CACNG2: variants seen among roughly 807,000 people sequenced by gnomAD.
CACNG2 encodes the protein calcium voltage-gated channel auxiliary subunit gamma 2, also known as voltage-dependent calcium channel gamma-2 subunit.
A neutral mutation model predicts 25.9 loss-of-function variants in CACNG2; 3 were observed. That is an observed-to-expected ratio of 0.12 (90% CI 0.05 to 0.30). The LOEUF (loss-of-function observed/expected upper bound fraction) is 0.30, where lower values mean the gene tolerates loss of function less well. Among genes scored for constraint, CACNG2 ranks in the 10% least tolerant of loss-of-function variants. CACNG2 has a pLI of 1.00. For synonymous variants in CACNG2, 167 were observed against 173.3 expected, an observed-to-expected ratio of 0.96 and a Z score of 0.29; for missense variants, 341 against 432.5, an observed-to-expected ratio of 0.79 and a Z score of 1.88.
chr22:36,680,757 C>A (rs968292866), intron 1 of CACNG2, among the ~76,000 whole-genome samples: 6 of 114,248 alleles, frequency 5.3e-5, no homozygotes, highest in Non-Finnish European at 1.1e-4. Context: ...ACTACCACCA[C>A]TTTCATCACC....
chr22:36,630,837 T>C (rs1603502093), intron 1 of CACNG2, among the ~76,000 whole-genome samples: 1 of 152,064 alleles, frequency 6.6e-6, no homozygotes, highest in East Asian at 1.9e-4. Context: ...TTGAGCTATT[T>C]GTTTATTTAT....
chr22:36,615,657 T>G (rs1936010825), intron 1 of CACNG2, among the ~76,000 whole-genome samples: 1 of 152,218 alleles, frequency 6.6e-6, no homozygotes, highest in Non-Finnish European at 1.5e-5. Context: ...TGTTTACTGT[T>G]AGTCCCATTA....
chr22:36,671,917 T>C (rs879357406), intron 1 of CACNG2, among the ~76,000 whole-genome samples: 7 of 151,880 alleles, frequency 4.6e-5, no homozygotes, highest in Non-Finnish European at 8.8e-5. Flanking sequence ...AGAGAAGAGG[T>C]GTATTCTTGG....
Position 36,657,298 on chromosome 22 carries a change from G to A in CACNG2, c.211+45068C>T, listed in dbSNP as rs115755060. Reference sequence around the variant, plus strand: ...CAAAGAGAACTCAGGCATCCAAGGAGTGAGACAAGTCTTCAGTTCCACAAT... The same window carrying A: ...CAAAGAGAACTCAGGCATCCAAGGAATGAGACAAGTCTTCAGTTCCACAAT... On this transcript the variant is annotated intron_variant, in intron 1 of 3. Coordinates refer to ENST00000300105, the MANE Select transcript of CACNG2 (RefSeq NM_006078.5). Among the ~76,000 whole-genome samples, 451 of 152,348 alleles carry A rather than the reference G, an allele frequency of 3.0e-3. 3 individuals are homozygous for A. The highest frequency in any genetic ancestry group is 0.01 in the African/African-American group (423 of 41,574).
chr22:36,651,933 G>T (rs1435145137), intron 1 of CACNG2, among the ~76,000 whole-genome samples: 1 of 151,968 alleles, frequency 6.6e-6, no homozygotes, highest in Non-Finnish European at 1.5e-5. Context: ...GCGTGATCTC[G>T]GCTCACTGCA....
chr22:36,672,445 T>C (rs893716001), intron 1 of CACNG2, among the ~76,000 whole-genome samples: 1 of 152,182 alleles, frequency 6.6e-6, no homozygotes, highest in African/African-American at 2.4e-5. Context: ...CGTGAGCCAC[T>C]GTGAATAGGG....
chr22:36,631,814 A>G (rs1319442160), intron 1 of CACNG2, among the ~76,000 whole-genome samples: 1 of 150,842 alleles, frequency 6.6e-6, no homozygotes, highest in Non-Finnish European at 1.5e-5. Flanking sequence ...CTCAACAGAT[A>G]TGAGGGCCAG....
intron 1 of CACNG2, among the ~76,000 whole-genome samples, chr22:36,686,307 AC>A (rs1232652579): frequency 6.6e-6 from 1 of 152,020 alleles, no homozygotes; most frequent in Non-Finnish European, 1.5e-5. Flanking sequence ...TAAGGAGATG[AC>A]CCTGTCACAG....
chr22:36,581,030 A>G (rs960551195), intron 2 of CACNG2, among the ~76,000 whole-genome samples: 1 of 152,144 alleles, frequency 6.6e-6, no homozygotes, highest in African/African-American at 2.4e-5. Flanking sequence ...CACGCTTGAC[A>G]TTCAAGAGAA....
intron 1 of CACNG2, among the ~76,000 whole-genome samples, chr22:36,651,422 T>C (rs1936613532): frequency 6.6e-6 from 1 of 151,724 alleles, no homozygotes; most frequent in Admixed American, 6.6e-5. Context: ...AGAGATGGGG[T>C]TTTACCATGT....
intron 1 of CACNG2, among the ~76,000 whole-genome samples, chr22:36,609,483 CGTAGAGCGTGATCAGGAGGAATCAA>C: frequency 7.2e-6 from 1 of 139,426 alleles, no homozygotes; most frequent in South Asian, 2.4e-4. Context: ...GGAATCAGCC[CGTAGAGCGTGATCAGGAGGAATCAA>C]CCCCCTAGAG....
chr22:36,608,387 T>C (rs6000348), intron 1 of CACNG2, among the ~76,000 whole-genome samples: 4 of 152,338 alleles, frequency 2.6e-5, no homozygotes, highest in African/African-American at 9.6e-5. Context: ...TATTTCAGAT[T>C]TCACAAGCTT....
At chr22:36,649,676 T>C (rs1292521612) in intron 1 of CACNG2, among the ~76,000 whole-genome samples, 1 of 152,220 alleles carries the variant, frequency 6.6e-6, no homozygotes, top group Non-Finnish European at 1.5e-5. Flanking sequence ...CCCACGTGTC[T>C]TGGGAAGGAC....
chr22:36,690,099 CAGCTGTCAAAAG>C (rs1937249550), intron 1 of CACNG2, among the ~76,000 whole-genome samples: 1 of 152,238 alleles, frequency 6.6e-6, no homozygotes, highest in African/African-American at 2.4e-5. Flanking sequence ...GTTCTGTCTT[CAGCTGTCAAAAG>C]ACAAAGACTC....
At chr22:36,650,226 T>C (rs1310439341) in intron 1 of CACNG2, among the ~76,000 whole-genome samples, 1 of 152,182 alleles carries the variant, frequency 6.6e-6, no homozygotes, top group Non-Finnish European at 1.5e-5. Flanking sequence ...CCCACCTTAC[T>C]CAGAGTCAAG....
At chr22:36,613,703 C>A (rs903900214) in intron 1 of CACNG2, among the ~76,000 whole-genome samples, 1 of 151,992 alleles carries the variant, frequency 6.6e-6, no homozygotes, top group Non-Finnish European at 1.5e-5. Context: ...TATATACAAC[C>A]CAGTCCTGTC....
chr22:36,692,414 AGGATTGCAAT>A (rs1937277783), intron 1 of CACNG2, among the ~76,000 whole-genome samples: 1 of 152,190 alleles, frequency 6.6e-6, no homozygotes, highest in Non-Finnish European at 1.5e-5. Context: ...GTAACTAACA[AGGATTGCAAT>A]GGAGAGAAAA....
At chr22:36,590,920 A>C (rs71314997) in intron 1 of CACNG2, among the ~76,000 whole-genome samples, 2 of 151,630 alleles carry the variant, frequency 1.3e-5, no homozygotes, top group Admixed American at 1.3e-4. Context: ...CTGCTGCCTG[A>C]ACTCCCACCA....
intron 1 of CACNG2, among the ~76,000 whole-genome samples, chr22:36,652,744 A>G (rs1936639055): frequency 6.6e-6 from 1 of 152,166 alleles, no homozygotes; most frequent in South Asian, 2.1e-4. Flanking sequence ...CACCAAGCAC[A>G]TAACAGGTGC....
Sources: gnomAD v4.1 joint callset for allele counts (sites outside exome capture counted in the v4.1 genomes callset) on GRCh38, gnomAD v4.1.1 for gene constraint, MANE v1.5 for transcripts, NCBI Gene and HGNC (gene_info 2026-07-23, HGNC 2026-07-21) for gene names.